Variants in PDE4B observed in about 807,000 individuals in gnomAD.
The protein encoded by PDE4B is phosphodiesterase 4B, also known as 3',5'-cyclic-AMP phosphodiesterase 4B.
In PDE4B, 20 loss-of-function variants were observed where a neutral mutation model predicts 82.2. That is an observed-to-expected ratio of 0.24 (90% CI 0.17 to 0.35). PDE4B has a LOEUF of 0.35. Ranked by LOEUF, PDE4B falls within the 10% of genes least tolerant of loss-of-function variation. The pLI, the probability that PDE4B is intolerant of heterozygous loss-of-function variation, is 1.00. For missense variants in PDE4B, 655 were observed against 907.2 expected (o/e 0.72, Z 3.57); for synonymous variants, 320 against 318.9 (o/e 1.00, Z -0.04).
At chr1:66,093,904 C>A (rs370058106) in intron 3 of PDE4B, among the ~76,000 whole-genome samples, 1 of 151,924 alleles carries the variant, frequency 6.6e-6, no homozygotes, top group Non-Finnish European at 1.5e-5. Flanking sequence ...ATCATTTGGG[C>A]CCTTGATGTT....
intron 1 of PDE4B, among the ~76,000 whole-genome samples, chr1:65,879,711 A>G (rs1646688890): frequency 1.3e-5 from 2 of 152,186 alleles, no homozygotes; most frequent in Non-Finnish European, 2.9e-5. Flanking sequence ...ACTTGCCTGT[A>G]TAGCTGTAGT....
chr1:65,940,209 T>C (rs1453970452), intron 3 of PDE4B, among the ~76,000 whole-genome samples: 2 of 151,944 alleles, frequency 1.3e-5, no homozygotes, highest in Admixed American at 6.6e-5. Context: ...AGGAACTTTA[T>C]AGGCAGAGGG....
intron 3 of PDE4B, among the ~76,000 whole-genome samples, chr1:66,039,595 C>T (rs939268846): frequency 6.6e-6 from 1 of 152,034 alleles, no homozygotes; most frequent in Non-Finnish European, 1.5e-5. Flanking sequence ...TATCTATCCA[C>T]TGATCTATAA....
chr1:65,806,263 C>T (rs1645753654), intron 1 of PDE4B, among the ~76,000 whole-genome samples: 1 of 152,030 alleles, frequency 6.6e-6, no homozygotes, highest in Non-Finnish European at 1.5e-5. Flanking sequence ...TCTAGAATTT[C>T]TATTACTTCT....
intron 1 of PDE4B, among the ~76,000 whole-genome samples, chr1:65,844,698 C>T (rs570216228): frequency 6.6e-6 from 1 of 151,918 alleles, no homozygotes; most frequent in Non-Finnish European, 1.5e-5. Flanking sequence ...GTTTATTCTC[C>T]CCACAAACAC....
chr1:66,276,588 G>A (rs928487215), intron 7 of PDE4B, among the ~76,000 whole-genome samples: 1 of 152,178 alleles, frequency 6.6e-6, no homozygotes, highest in Non-Finnish European at 1.5e-5. Context: ...ATTGTAAGTA[G>A]TAAGCAAAGG....
chr1:66,221,895 C>CTT (rs68051259), intron 3 of PDE4B, among the ~76,000 whole-genome samples: 218 of 113,458 alleles, frequency 1.9e-3, no homozygotes, highest in African/African-American at 1.6e-3. Context: ...AGTGTATTGA[C>CTT]TTTTTTTTTT....
Position 66,076,597 on chromosome 1 carries a change from C to T in PDE4B, c.281+157762C>T, listed in dbSNP as rs557919311. ...TTTAGTTATTTGGGAAATCTCCAAA[C>T]GGATCTACACAGTGGCTGGGTACAT... On this transcript the variant is annotated intron_variant, in intron 3 of 16. Transcript: ENST00000341517. Among the ~76,000 whole-genome samples the T allele has an allele frequency of 9.2e-5, 12 of 131,062 alleles. No homozygotes were observed. The South Asian group carries it at 2.0e-3, about 22-fold the overall frequency. The allele number at this position is 131,062 out of a possible 152,430, so 86.0% of individuals were successfully genotyped here.
chr1:66,111,397 T>C (rs1005908696), intron 3 of PDE4B, among the ~76,000 whole-genome samples: 7 of 152,094 alleles, frequency 4.6e-5, no homozygotes, highest in African/African-American at 1.7e-4. Flanking sequence ...TGAAACTCTT[T>C]ACCCATTAAA....
intron 3 of PDE4B, among the ~76,000 whole-genome samples, chr1:66,241,743 A>G (rs968149385): frequency 6.6e-6 from 1 of 152,218 alleles, no homozygotes; most frequent in African/African-American, 2.4e-5. Flanking sequence ...CACTCTATAC[A>G]GAAACATACA....
chr1:65,847,944 A>G (rs1195221983), intron 1 of PDE4B, among the ~76,000 whole-genome samples: 1 of 149,878 alleles, frequency 6.7e-6, no homozygotes, highest in Non-Finnish European at 1.5e-5. Context: ...GACTGGGCCA[A>G]TTGTTTTTGG....
intron 3 of PDE4B, chr1:66,094,589 G>A (rs1028683115): frequency 1.6e-4 from 24 of 151,918 alleles, no homozygotes; most frequent in African/African-American, 5.8e-4. Context: ...CTTGGCTTAC[G>A]AACTTTGAGA....
At chr1:66,232,050 G>T (rs571592675) in intron 3 of PDE4B, among the ~76,000 whole-genome samples, 1 of 152,316 alleles carries the variant, frequency 6.6e-6, no homozygotes, top group East Asian at 1.9e-4. Context: ...TAGGCATTTG[G>T]TTTAAATTAC....
chr1:66,295,851 C>T (rs528316591), intron 7 of PDE4B, among the ~76,000 whole-genome samples: 1 of 152,164 alleles, frequency 6.6e-6, no homozygotes, highest in African/African-American at 2.4e-5. Context: ...TCTAAACACA[C>T]ACATTGTTAA....
chr1:66,085,320 A>G (rs889464393), intron 3 of PDE4B, among the ~76,000 whole-genome samples: 22 of 152,154 alleles, frequency 1.4e-4, no homozygotes, highest in African/African-American at 5.3e-4. Context: ...GGCTGACTTG[A>G]AGCTAACATT....
chr1:65,890,134 A>AT (rs202106767), intron 1 of PDE4B, among the ~76,000 whole-genome samples: 5,272 of 144,834 alleles, frequency 0.036, 281 homozygotes, highest in African/African-American at 0.12. Flanking sequence ...AGCTTGACAA[A>AT]TTTTTTTTTT....
chr1:66,350,067 G>T (rs1004155618), intron 8 of PDE4B, among the ~76,000 whole-genome samples: 1 of 151,772 alleles, frequency 6.6e-6, no homozygotes. Context: ...CTGCAGTTTC[G>T]ACTTCTTTCT....
chr1:66,101,543 A>G (rs1485722579), intron 3 of PDE4B, among the ~76,000 whole-genome samples: 4 of 152,162 alleles, frequency 2.6e-5, no homozygotes, highest in Admixed American at 1.3e-4. Flanking sequence ...GTGAAATGGT[A>G]TCTCACTGTA....
At chr1:65,797,368 G>C (rs1169948914) in intron 1 of PDE4B, among the ~76,000 whole-genome samples, 1 of 152,100 alleles carries the variant, frequency 6.6e-6, no homozygotes, top group Non-Finnish European at 1.5e-5. Context: ...GTCATATTTT[G>C]GACATTTTAG....
Sources: allele counts gnomAD v4.1 joint callset (sites outside exome capture counted in the v4.1 genomes callset), GRCh38; gene constraint gnomAD v4.1.1; transcripts MANE v1.5; gene names NCBI Gene and HGNC (gene_info 2026-07-23, HGNC 2026-07-21).